STK33: variants seen among roughly 807,000 people sequenced by gnomAD.
STK33 encodes serine/threonine kinase 33, also known as serine/threonine-protein kinase 33.
STK33 carries 52 observed loss-of-function variants against 58.0 expected under a neutral mutation model. That is an observed-to-expected ratio of 0.90 (90% CI 0.72 to 1.13). STK33 has a LOEUF of 1.13. STK33 is among the 50% of genes most tolerant of loss of function. The pLI is 0.00. For synonymous variants in STK33, 215 were observed against 200.1 expected (o/e 1.07, Z -0.63); for missense variants, 630 against 604.2 (o/e 1.04, Z -0.45).
rs544832406 is a variant in STK33 at position 8,418,598 on chromosome 11, T to C, written c.1147-4906A>G. Among the ~76,000 whole-genome samples, 3 of 152,308 alleles carry C rather than the reference T, an allele frequency of 2.0e-5. No individual in the cohort carries two copies. In the East Asian group the frequency reaches 5.8e-4, roughly 29 times the overall value. On this transcript the variant is annotated intron_variant, in intron 14 of 15. Coordinates refer to ENST00000687296, the MANE Select transcript of STK33 (RefSeq NM_001352389.2). ...ACTGATTTATATTCCTCTGGGTATA[T>C]ACCCAGTAATGGGATTGCTGAGATA...
intron 15 of STK33, among the ~76,000 whole-genome samples, chr11:8,403,553 C>A (rs1398646567): frequency 6.6e-6 from 1 of 152,186 alleles, no homozygotes; most frequent in Non-Finnish European, 1.5e-5. Context: ...CAAGGGCTGC[C>A]TCAAGCAGCA....
downstream of STK33, among the ~76,000 whole-genome samples, chr11:8,390,036 T>C (rs1446806996): frequency 6.6e-6 from 1 of 152,226 alleles, no homozygotes; most frequent in African/African-American, 2.4e-5. Flanking sequence ...GAACCATGTG[T>C]TGTCATCCTG....
intron 1 of STK33, among the ~76,000 whole-genome samples, chr11:8,507,732 C>A (rs1417463492): frequency 6.6e-6 from 1 of 152,160 alleles, no homozygotes; most frequent in Non-Finnish European, 1.5e-5. Context: ...TACAAACTGA[C>A]AACTGAGGCA....
At chr11:8,545,279 G>A (rs1955824709) in intron 1 of STK33, among the ~76,000 whole-genome samples, 2 of 152,182 alleles carry the variant, frequency 1.3e-5, no homozygotes, top group Non-Finnish European at 1.5e-5. Context: ...CAGTGAGGGT[G>A]TTGATTTGTT....
intron 9 of STK33, among the ~76,000 whole-genome samples, chr11:8,456,123 A>G (rs1357980974): frequency 6.6e-6 from 1 of 152,228 alleles, no homozygotes; most frequent in Non-Finnish European, 1.5e-5. Context: ...AGTTCCATGA[A>G]AAATGTTGCT....
the STK33 span, among the ~76,000 whole-genome samples, chr11:8,375,193 A>C: frequency 9.2e-5 from 14 of 152,190 alleles, no homozygotes; most frequent in Non-Finnish European, 8.8e-5. Flanking sequence ...GACTACTATT[A>C]ATTTAGCTTC....
chr11:8,363,063 G>A, the STK33 span, among the ~76,000 whole-genome samples: 1 of 152,200 alleles, frequency 6.6e-6, no homozygotes. Context: ...TGCCCCTTGG[G>A]CGGGACCAGA....
intron 1 of STK33, among the ~76,000 whole-genome samples, chr11:8,494,363 A>C (rs924414879): frequency 6.6e-6 from 1 of 152,192 alleles, no homozygotes; most frequent in Non-Finnish European, 1.5e-5. Flanking sequence ...AAGAGAATAA[A>C]ATACCTAGGA....
chr11:8,552,034 C>T (rs1254799120), intron 1 of STK33, among the ~76,000 whole-genome samples: 1 of 152,212 alleles, frequency 6.6e-6, no homozygotes, highest in Non-Finnish European at 1.5e-5. Flanking sequence ...CCAGATGGTA[C>T]AACCCTCCTG....
chr11:8,342,649 A>G, the STK33 span, among the ~76,000 whole-genome samples: 1 of 152,210 alleles, frequency 6.6e-6, no homozygotes, highest in Admixed American at 6.5e-5. Flanking sequence ...CATTCATTTA[A>G]TCTGCATGAC....
chr11:8,408,845 G>A (rs1939715304), intron 15 of STK33, among the ~76,000 whole-genome samples: 1 of 152,226 alleles, frequency 6.6e-6, no homozygotes, highest in Admixed American at 6.5e-5. Context: ...TCTCCCAGGG[G>A]AGTTGCAGAG....
At chr11:8,468,756 A>G (rs1948478683) in intron 6 of STK33, among the ~76,000 whole-genome samples, 1 of 152,180 alleles carries the variant, frequency 6.6e-6, no homozygotes. Flanking sequence ...ATAGTACAAA[A>G]CATAATTTTA....
intron 1 of STK33, among the ~76,000 whole-genome samples, chr11:8,515,331 T>C (rs933804180): frequency 6.6e-6 from 1 of 152,100 alleles, no homozygotes; most frequent in African/African-American, 2.4e-5. Context: ...GAAAAATTCT[T>C]AGAAACATAG....
At chr11:8,401,108 G>GA (rs1330830709) in intron 15 of STK33, among the ~76,000 whole-genome samples, 2 of 152,056 alleles carry the variant, frequency 1.3e-5, no homozygotes, top group South Asian at 2.1e-4. Context: ...CACAGAATTG[G>GA]AAAAAACTGC....
intron 1 of STK33, among the ~76,000 whole-genome samples, chr11:8,539,326 C>T (rs1178289659): frequency 6.6e-6 from 1 of 152,204 alleles, no homozygotes; most frequent in East Asian, 1.9e-4. Context: ...TGACACGGTG[C>T]TGCATCTCAA....
intron 1 of STK33, among the ~76,000 whole-genome samples, chr11:8,588,167 T>C (rs2032024164): frequency 6.6e-6 from 1 of 152,112 alleles, no homozygotes; most frequent in Non-Finnish European, 1.5e-5. Context: ...TAATTATCTT[T>C]CAAATGGCCC....
intron 11 of STK33, among the ~76,000 whole-genome samples, chr11:8,447,013 T>C (rs1041982576): frequency 6.6e-6 from 1 of 152,034 alleles, no homozygotes; most frequent in East Asian, 1.9e-4. Flanking sequence ...AAAGAAACTA[T>C]CATCAGAGTG....
the STK33 span, among the ~76,000 whole-genome samples, chr11:8,386,334 A>G: frequency 6.6e-6 from 1 of 152,248 alleles, no homozygotes; most frequent in Non-Finnish European, 1.5e-5. Context: ...AAGTGGCTAA[A>G]TGACTATAGT....
downstream of STK33, among the ~76,000 whole-genome samples, chr11:8,390,876 C>A (rs1465218875): frequency 6.6e-6 from 1 of 152,164 alleles, no homozygotes; most frequent in African/African-American, 2.4e-5. Flanking sequence ...ATAGGATCTT[C>A]TAATCCCAAA....
Sources: allele counts gnomAD v4.1 joint callset (sites outside exome capture counted in the v4.1 genomes callset), GRCh38; gene constraint gnomAD v4.1.1; transcripts MANE v1.5; gene names NCBI Gene and HGNC (gene_info 2026-07-23, HGNC 2026-07-21).